MESP1: variants seen among roughly 807,000 people sequenced by gnomAD.
MESP1 encodes the protein mesoderm posterior protein 1.
A neutral mutation model predicts 15.2 loss-of-function variants in MESP1; 22 were observed. The ratio of observed to expected loss-of-function variants is 1.45; its 90% CI spans 1.04 to 2.07. The LOEUF is 2.07. MESP1 is among the 30% of genes most tolerant of loss of function. The pLI is 0.00. For missense variants in MESP1, 484 were observed against 411.9 expected (o/e 1.17, Z -1.51); for synonymous variants, 216 against 192.6 (o/e 1.12, Z -1.01).
rs1315276777 is a variant in MESP1 at position 89,751,179 on chromosome 15, G to A, written c.53C>T (p.Ala18Val). The A allele has an allele frequency of 7.9e-7, 1 of 1,269,998 alleles. No homozygotes were observed. The highest frequency in any genetic ancestry group is 3.4e-5 in the South Asian group (1 of 29,696). The allele number at this position is 1,269,998 out of a possible 1,614,324, so 78.7% of individuals were successfully genotyped here. A position where few individuals can be genotyped will look rare whatever the true frequency, so the allele number is the denominator to read the frequency against. The change falls in exon 1 of 2, where the codon GCC (alanine) becomes GTC (valine). Residue 18 changes from alanine (A) to valine (V), a missense_variant. Transcript: ENST00000300057. Reference protein sequence around the residue: ...PLSESWMLSAAWGPTRRPPPS... With the variant: ...PLSESWMLSAVWGPTRRPPPS... ...CGGCGGCCGCCGAGTTGGGCCCCAG[G>A]CCGCAGAGAGCATCCAGGACTCGGA...
At chr15:89,743,624 G>A in the MESP1 span, 3 of 555,464 alleles carry the variant, frequency 5.4e-6, no homozygotes, top group Non-Finnish European at 9.7e-6. Flanking sequence ...AATAAACAGT[G>A]ATATTGTCTC....
the MESP1 span, chr15:89,735,646 G>A: frequency 7.5e-7 from 1 of 1,328,934 alleles, no homozygotes; most frequent in Non-Finnish European, 1.1e-6. Flanking sequence ...GCTTATTGAA[G>A]GCCTGTTATG....
chr15:89,737,531 G>C, the MESP1 span: 1 of 1,612,742 alleles, frequency 6.2e-7, no homozygotes, highest in Non-Finnish European at 8.5e-7. Flanking sequence ...GTGAGGGACA[G>C]AGTCCAGTAG....
chr15:89,737,511 C>G, the MESP1 span: 10 of 1,602,298 alleles, frequency 6.2e-6, no homozygotes, highest in Middle Eastern at 1.0e-3. Context: ...GACCTCTACA[C>G]GACCTTCCTG....
the MESP1 span, among the ~76,000 whole-genome samples, chr15:89,736,815 G>A: frequency 6.8e-6 from 1 of 147,784 alleles, no homozygotes; most frequent in Non-Finnish European, 1.5e-5. Flanking sequence ...TTTTTGAAAC[G>A]GAGTCTCGCT....
chr15:89,738,257 AC>A, the MESP1 span: 103 of 1,561,186 alleles, frequency 6.6e-5, no homozygotes, highest in African/African-American at 1.2e-3. Flanking sequence ...CTGTGTCTTC[AC>A]CCCCTCCCAC....
chr15:89,737,498 G>A, the MESP1 span: 1 of 1,575,672 alleles, frequency 6.3e-7, no homozygotes, highest in African/African-American at 1.4e-5. Flanking sequence ...TCCTTACTGG[G>A]GTGACCTCTA....
At chr15:89,745,825 A>G (rs1391307121), downstream of MESP1, among the ~76,000 whole-genome samples, 9 of 151,830 alleles carry the variant, frequency 5.9e-5, no homozygotes, top group Admixed American at 5.9e-4. The surrounding 1 kb of genome is among the most constrained non-coding windows in gnomAD (Gnocchi z 4.8). Context: ...AGGCATACCA[A>G]TGCCCAGGTG....
the MESP1 span, chr15:89,735,672 T>A: frequency 9.9e-7 from 1 of 1,011,194 alleles, no homozygotes; most frequent in Non-Finnish European, 1.5e-6. Flanking sequence ...GGCACTGGAC[T>A]AGCTTTCGGG....
At chr15:89,737,549 C>T in the MESP1 span, 2 of 1,613,890 alleles carry the variant, frequency 1.2e-6, no homozygotes, top group African/African-American at 1.3e-5. Context: ...TAGAAGCCCC[C>T]CTCACCATCT....
rs772569402 is a variant in MESP1, at chr15:89,750,813, A to T, written c.419T>A (p.Leu140Gln). Residue 140 changes from leucine (L) to glutamine (Q), a missense_variant, in exon 1 of 2, where the codon CTA (leucine) becomes CAA (glutamine). Transcript: ENST00000300057. ...IRYIGHLSAV[L>Q]GLSEESLQRR... Reference sequence around the variant, plus strand: ...CTGGAGACTCTCCTCGCTGAGGCCTAGCACGGCCGACAGGTGGCCGATATA... The same window carrying T: ...CTGGAGACTCTCCTCGCTGAGGCCTTGCACGGCCGACAGGTGGCCGATATA... 6.5e-7 allele frequency: 1 copy of T among 1,530,576 alleles called. No individual in the cohort carries two copies. Among genetic ancestry groups the T allele is most frequent in the South Asian group, 1.2e-5 (1 of 83,818 alleles). The allele number at this position is 1,530,576 out of a possible 1,614,324, so 94.8% of individuals were successfully genotyped here. A position where few individuals can be genotyped will look rare whatever the true frequency, so the allele number is the denominator to read the frequency against.
chr15:89,746,384 A>C (rs1427447886), downstream of MESP1, among the ~76,000 whole-genome samples: 5 of 126,208 alleles, frequency 4.0e-5, no homozygotes, highest in African/African-American at 1.1e-4. Context: ...ACCTCCACAC[A>C]TCCACACATC....
At chr15:89,746,681 ACCTCCACACACACACACAGCCCCG>A (rs1967964931), downstream of MESP1, among the ~76,000 whole-genome samples, 1 of 93,172 alleles carries the variant, frequency 1.1e-5, no homozygotes, top group East Asian at 3.1e-4. Context: ...ACACAGCCGC[ACCTCCACACACACACACAGCCCCG>A]CCTCCACACA....
the MESP1 span, chr15:89,738,013 A>G: frequency 1.4e-5 from 22 of 1,576,034 alleles, no homozygotes; most frequent in Non-Finnish European, 1.7e-5. Flanking sequence ...ATTGTTACAC[A>G]GAACATGGTG....
At chr15:89,739,316 C>G in the MESP1 span, among the ~76,000 whole-genome samples, 3 of 152,136 alleles carry the variant, frequency 2.0e-5, no homozygotes, top group Non-Finnish European at 4.4e-5. Context: ...GCGAAGGAGA[C>G]AGCATGACCT....
At chr15:89,737,568 C>A in the MESP1 span, 1 of 1,614,200 alleles carries the variant, frequency 6.2e-7, no homozygotes, top group South Asian at 1.1e-5. Context: ...CTCTTTGCTT[C>A]CCAGGTGCTC....
chr15:89,746,598 C>G (rs1967962140), downstream of MESP1, among the ~76,000 whole-genome samples: 1 of 148,644 alleles, frequency 6.7e-6, no homozygotes. Flanking sequence ...CGCAGCCCCG[C>G]CTCCACACAC....
At position 89,750,073 on chromosome 15, in the gene MESP1, A is replaced by G. The variant is rs1164332854; in HGVS notation, c.*71T>C. On this transcript the variant is annotated 3_prime_UTR_variant, in exon 2 of 2. Transcript: ENST00000300057. ...CCTCTTCCAGGAAAGGCAGTCTGCC[A>G]AGGAACCACTTCGAAGGTGCTGAGG... The G allele has an allele frequency of 2.1e-6, 3 of 1,435,628 alleles. No homozygotes were observed. The highest frequency in any genetic ancestry group is 2.9e-6 in the Non-Finnish European group (3 of 1,018,480). 88.9% of individuals were successfully genotyped at this position (1,435,628 alleles called of 1,614,324 possible).
rs1968068992 is a variant in MESP1, at chr15:89,750,589, C to A, written c.643G>T (p.Glu215Ter). The part of the protein sequence containing the change: ...PACPGARAAP[E>*]PRDPPALFAE... ...AACAGCGCAGGCGGGTCGCGCGGCT[C>A]GGGTGCAGCTCGGGCTCCGGGGCAG... The change falls in exon 1 of 2, where the codon GAG (glutamate) becomes TAG (stop). Residue 215 changes from glutamate (E) to a stop codon, truncating the protein, a stop_gained. Transcript: ENST00000300057. LOFTEE classifies it high-confidence loss of function. 1 of 1,409,884 alleles carries A rather than the reference C, an allele frequency of 7.1e-7. No homozygotes were observed. The highest frequency in any genetic ancestry group is 9.2e-7 in the Non-Finnish European group (1 of 1,091,270). 87.3% of individuals were successfully genotyped at this position (1,409,884 alleles called of 1,614,324 possible).
Sources: gnomAD v4.1 joint callset for allele counts (sites outside exome capture counted in the v4.1 genomes callset) on GRCh38, gnomAD v4.1.1 for gene constraint, Gnocchi (gnomAD v3.1) non-coding constraint, MANE v1.5 for transcripts, NCBI Gene and HGNC (gene_info 2026-07-23, HGNC 2026-07-21) for gene names.